Variants in NCAM2 observed in about 807,000 individuals in gnomAD.
The protein encoded by NCAM2 is N-CAM-2.
Under a neutral mutation model 98.1 loss-of-function variants are expected in NCAM2, and 30 were observed. The ratio of observed to expected loss-of-function variants is 0.31; its 90% confidence interval spans 0.23 to 0.41. The LOEUF (loss-of-function observed/expected upper bound fraction) is 0.41. NCAM2 is among the 10% of genes least tolerant of loss of function. The probability of loss-of-function intolerance (pLI) is 1.00; values close to 1 mark genes in which losing one functional copy is unlikely to be tolerated. For synonymous variants in NCAM2, 368 were observed against 342.4 expected (o/e 1.07, Z -0.83); for missense variants, 867 against 1,005.8 (o/e 0.86, Z 1.87).
chr21:21,534,787 A>C (rs529137356), intron 17 of NCAM2, 131 bp downstream of exon 17: 1 of 942,284 alleles, frequency 1.1e-6, no homozygotes, highest in African/African-American at 1.7e-5. Flanking sequence ...TTTTGATGAA[A>C]GTACATGTGA....
intron 1 of NCAM2, among the ~76,000 whole-genome samples, chr21:21,067,534 A>C (rs936480513): frequency 6.6e-6 from 1 of 152,110 alleles, no homozygotes; most frequent in Non-Finnish European, 1.5e-5. Context: ...TGTATTGAAA[A>C]CTTTGGGAGA....
intron 1 of NCAM2, among the ~76,000 whole-genome samples, chr21:21,153,574 A>G (rs1181586048): frequency 6.6e-6 from 1 of 151,982 alleles, no homozygotes; most frequent in Non-Finnish European, 1.5e-5. Flanking sequence ...GGAAAAGCAA[A>G]CATCATGACT....
chr21:21,130,488 A>G lies in NCAM2; in HGVS notation c.55+131870A>G, dbSNP rs11088853. On this transcript the variant is annotated intron_variant, in intron 1 of 17. Coordinates refer to ENST00000400546, the MANE Select transcript of NCAM2 (RefSeq NM_004540.5). ...ATTTGACTGTGTAACTGTGCTTCCA[A>G]TAACATTTTCCCGAATGTAAAAGCC... Among the ~76,000 whole-genome samples the G allele has an allele frequency of 4.5e-3, 679 of 152,264 alleles. 8 individuals are homozygous for G. The highest frequency in any genetic ancestry group is 0.016 in the African/African-American group (650 of 41,566).
At chr21:21,151,129 C>G (rs2067436276) in intron 1 of NCAM2, among the ~76,000 whole-genome samples, 1 of 151,710 alleles carries the variant, frequency 6.6e-6, no homozygotes, top group Non-Finnish European at 1.5e-5. Flanking sequence ...ACTTCTGTAT[C>G]TGGCAATTTA....
At chr21:21,441,976 T>TAA (rs1168300947) in intron 12 of NCAM2, among the ~76,000 whole-genome samples, 4 of 152,192 alleles carry the variant, frequency 2.6e-5, no homozygotes, top group African/African-American at 9.6e-5. Context: ...CAGACTCTTG[T>TAA]ATCTTTTCTC....
intron 1 of NCAM2, among the ~76,000 whole-genome samples, chr21:21,274,616 T>G (rs1357700399): frequency 6.6e-6 from 1 of 152,230 alleles, no homozygotes; most frequent in Non-Finnish European, 1.5e-5. Context: ...TGTATTCATT[T>G]GCTATAATCA....
At chr21:21,431,484 T>C (rs1569056237) in intron 11 of NCAM2, among the ~76,000 whole-genome samples, 1 of 152,136 alleles carries the variant, frequency 6.6e-6, no homozygotes, top group Non-Finnish European at 1.5e-5. Context: ...AAGAATTTTA[T>C]AGCTATTTTG....
intron 1 of NCAM2, among the ~76,000 whole-genome samples, chr21:21,152,457 G>A (rs941882204): frequency 2.0e-5 from 3 of 151,610 alleles, no homozygotes; most frequent in African/African-American, 4.8e-5. Context: ...TATGTTGGTC[G>A]TCGTGATTAT....
At chr21:21,080,656 C>CAAAAAAAAA (rs1340023403) in intron 1 of NCAM2, among the ~76,000 whole-genome samples, 1 of 53,252 alleles carries the variant, frequency 1.9e-5, no homozygotes, top group African/African-American at 7.5e-5. Context: ...GATAAGATCT[C>CAAAAAAAAA]AAAAAAAAAA....
chr21:21,378,418 TG>T (rs2076080160), intron 9 of NCAM2, among the ~76,000 whole-genome samples: 2 of 152,114 alleles, frequency 1.3e-5, no homozygotes, highest in Admixed American at 6.6e-5. Context: ...ATTCCCCTAA[TG>T]ATTAGTGATG....
chr21:21,378,488 A>G (rs999852067), intron 9 of NCAM2, among the ~76,000 whole-genome samples: 2 of 152,066 alleles, frequency 1.3e-5, no homozygotes, highest in Admixed American at 6.6e-5. Flanking sequence ...AGAAATATCA[A>G]TTAAAGATAA....
intron 1 of NCAM2, among the ~76,000 whole-genome samples, chr21:21,021,818 C>T (rs1460108793): frequency 6.6e-6 from 1 of 152,064 alleles, no homozygotes; most frequent in Non-Finnish European, 1.5e-5. Flanking sequence ...CTCATATAAT[C>T]CAGTGTTAGA....
intron 9 of NCAM2, 97 bp from the exon 10 acceptor site, chr21:21,410,177 C>G: frequency 4.4e-6 from 3 of 682,404 alleles, no homozygotes; most frequent in South Asian, 9.3e-5. Flanking sequence ...TATGTGGCTT[C>G]TTTTTATACA....
At chr21:21,113,691 C>G (rs2066497579) in intron 1 of NCAM2, among the ~76,000 whole-genome samples, 1 of 152,144 alleles carries the variant, frequency 6.6e-6, no homozygotes, top group Non-Finnish European at 1.5e-5. Context: ...GTTATCAACT[C>G]TTAACGTTGA....
At chr21:21,265,157 T>A (rs1463341103) in intron 1 of NCAM2, among the ~76,000 whole-genome samples, 14 of 117,200 alleles carry the variant, frequency 1.2e-4, no homozygotes, top group African/African-American at 3.9e-4. Flanking sequence ...TATACATATA[T>A]ACTTATATAT....
chr21:21,045,120 C>A (rs1331622719), intron 1 of NCAM2, among the ~76,000 whole-genome samples: 2 of 151,952 alleles, frequency 1.3e-5, no homozygotes, highest in Admixed American at 6.6e-5. Context: ...CTAGAATGTA[C>A]ATATTTTGAT....
intron 12 of NCAM2, among the ~76,000 whole-genome samples, chr21:21,446,104 C>T (rs778688875): frequency 2.0e-5 from 3 of 151,814 alleles, no homozygotes; most frequent in Non-Finnish European, 2.9e-5. Flanking sequence ...TTAGTTTGGC[C>T]GGGTATGAAA....
intron 1 of NCAM2, among the ~76,000 whole-genome samples, chr21:21,143,972 G>GT (rs1472614189): frequency 6.6e-6 from 1 of 151,816 alleles, no homozygotes; most frequent in Non-Finnish European, 1.5e-5. Flanking sequence ...GTTTCACAAC[G>GT]TTTTTTGTCT....
At chr21:21,241,539 A>T (rs2071065634) in intron 1 of NCAM2, among the ~76,000 whole-genome samples, 1 of 152,296 alleles carries the variant, frequency 6.6e-6, no homozygotes, top group African/African-American at 2.4e-5. Context: ...GCCCAGATTT[A>T]TTCAGTGTAA....
Sources: allele counts gnomAD v4.1 joint callset (sites outside exome capture counted in the v4.1 genomes callset), GRCh38; gene constraint gnomAD v4.1.1; transcripts MANE v1.5; gene names NCBI Gene and HGNC (gene_info 2026-07-23, HGNC 2026-07-21).